Variants in DHRS4L2 observed in about 807,000 individuals in gnomAD.
DHRS4L2 encodes dehydrogenase/reductase 4 like 2.
In DHRS4L2, 22 loss-of-function variants were observed where a neutral mutation model predicts 23.9. The observed-to-expected ratio is 0.92, with a 90% confidence interval of 0.66 to 1.31. The LOEUF is 1.31. Ranked by LOEUF, DHRS4L2 falls within the 40% of genes most tolerant of loss-of-function variation. DHRS4L2 has a pLI of 0.00. For missense variants in DHRS4L2, 385 were observed against 303.3 expected (o/e 1.27, Z -2.00); for synonymous variants, 141 against 123.7 (o/e 1.14, Z -0.93).
intron 2 of DHRS4L2, chr14:23,991,033 C>T: frequency 2.9e-6 from 1 of 350,546 alleles, no homozygotes; most frequent in South Asian, 1.1e-4. Context: ...GCTGCTGAAG[C>T]AACTATGAAG....
intron 3 of DHRS4L2, among the ~76,000 whole-genome samples, chr14:23,995,586 C>T (rs191312016): frequency 2.0e-5 from 3 of 151,848 alleles, no homozygotes; most frequent in Admixed American, 1.3e-4. Context: ...TGACCAGTTG[C>T]CACTTTATAA....
intron 1 of DHRS4L2, among the ~76,000 whole-genome samples, chr14:23,972,265 C>G (rs758587453): frequency 5.9e-5 from 9 of 151,894 alleles, no homozygotes; most frequent in Non-Finnish European, 1.0e-4. Context: ...GAGTTTCTTC[C>G]TTCTGGTGGG....
At chr14:23,987,206 C>A, upstream of DHRS4L2, 1 of 362,516 alleles carries the variant, frequency 2.8e-6, no homozygotes, top group Middle Eastern at 8.8e-4. Flanking sequence ...TCTTGGCTCA[C>A]TGCAAGCTCC....
chr14:23,980,892 C>T (rs1454374239), intron 1 of DHRS4L2, among the ~76,000 whole-genome samples: 10 of 151,764 alleles, frequency 6.6e-5, no homozygotes, highest in Middle Eastern at 3.4e-3. Context: ...TGAAAATCGG[C>T]ACAAGACAAG....
intron 2 of DHRS4L2, among the ~76,000 whole-genome samples, chr14:23,993,909 G>A (rs1407053673): frequency 6.6e-6 from 1 of 151,648 alleles, no homozygotes; most frequent in Non-Finnish European, 1.5e-5. Flanking sequence ...CAAAGTGGGA[G>A]ACTGACCTCA....
chr14:23,987,331 G>A (rs910842060), upstream of DHRS4L2: 13 of 251,634 alleles, frequency 5.2e-5, no homozygotes, highest in South Asian at 2.6e-4. Context: ...GAGTTTCACC[G>A]TGTTAGCCAG....
At chr14:23,974,368 A>G (rs1012507091) in intron 1 of DHRS4L2, among the ~76,000 whole-genome samples, 1 of 151,754 alleles carries the variant, frequency 6.6e-6, no homozygotes, top group African/African-American at 2.4e-5. Flanking sequence ...CAAATTCAAA[A>G]GCTAGCAGAA....
rs1332839632 is a variant in DHRS4L2, at chr14:23,996,013, C to A, written c.408+880C>A. On this transcript the variant is annotated intron_variant, in intron 3 of 7. Coordinates refer to ENST00000335125, the MANE Select transcript of DHRS4L2 (RefSeq NM_198083.4). ...GTGCCAGTATCTGCTTCTGATGAGG[C>A]CTCAGGAAGCTTACAATCATGGCAG... 1.3e-5 allele frequency among the ~76,000 whole-genome samples: 2 copies of A among 151,604 alleles called. 1 individual carries two copies. The highest frequency in any genetic ancestry group is 2.9e-5 in the Non-Finnish European group (2 of 67,892).
In DHRS4L2 at chr14:23,990,241, G is replaced by A. The variant is rs761257997; in HGVS notation, c.188G>A (p.Ser63Asn). 6.2e-7 allele frequency: 1 copy of A among 1,612,880 alleles called. No individual in the cohort carries two copies. Among genetic ancestry groups the A allele is most frequent in the South Asian group, 1.1e-5 (1 of 90,926 alleles). ...GACAGGGCCCACGTGGTCGTCAGCA[G>A]CCGGAAGCAGCAGAATGTGGACCAG... ...AQDRAHVVVS[S>N]RKQQNVDQAV... Residue 63 changes from serine (S) to asparagine (N), a missense_variant, in exon 2 of 8, where the codon AGC becomes AAC. Transcript: ENST00000335125.
intron 1 of DHRS4L2, among the ~76,000 whole-genome samples, chr14:23,972,228 G>C (rs2033872697): frequency 6.6e-6 from 1 of 151,910 alleles, no homozygotes; most frequent in South Asian, 2.1e-4. Flanking sequence ...TCTGGAGTTT[G>C]TTCCTTCTGA....
chr14:24,005,857 C>G, intron 7 of DHRS4L2, 29 bp from the exon 8 acceptor site: 1 of 1,605,986 alleles, frequency 6.2e-7, no homozygotes, highest in East Asian at 2.3e-5. Context: ...TTGATTTTTA[C>G]CTCCTTCCTT....
intron 6 of DHRS4L2, 79 bp from the exon 7 acceptor site, chr14:24,004,258 G>T (rs1213072371): frequency 7.1e-7 from 1 of 1,411,858 alleles, no homozygotes; most frequent in East Asian, 2.8e-5. Flanking sequence ...AAAAGAGCAA[G>T]ACTCCGTCTC....
exon 1 of DHRS4L2, chr14:23,970,072 A>G (rs770788787): frequency 4.4e-6 from 2 of 456,334 alleles, no homozygotes; most frequent in South Asian, 3.1e-5. Flanking sequence ...GCTCCTCTGC[A>G]GCAGCCTCGG....
chr14:23,986,517 A>G (rs111339969), upstream of DHRS4L2, among the ~76,000 whole-genome samples: 38,800 of 150,250 alleles, frequency 0.26, 5,771 homozygotes, highest in East Asian at 0.48. Flanking sequence ...TAAAAAAAAA[A>G]AAAGAAAGAA....
In DHRS4L2 at chr14:23,990,269, G is replaced by T. The variant is rs147428238; in HGVS notation, c.216G>T (p.Ala72=). The T allele has an allele frequency of 3.1e-6, 5 of 1,612,668 alleles. 1 individual carries two copies. The highest frequency in any genetic ancestry group is 2.2e-5 in the East Asian group (1 of 44,868). Residue 72 remains alanine (A), a synonymous_variant, in exon 2 of 8, where the codon GCG becomes GCT. Transcript: ENST00000335125. ...GGAAGCAGCAGAATGTGGACCAGGC[G>T]GTGGCCACGCTGCAGGGGGAGGGGC... The part of the protein sequence containing the change: ...SSRKQQNVDQ[A]VATLQGEGLS...
chr14:24,005,559 C>T (rs1260991437), intron 7 of DHRS4L2, among the ~76,000 whole-genome samples: 2 of 152,046 alleles, frequency 1.3e-5, no homozygotes, highest in Non-Finnish European at 2.9e-5. Flanking sequence ...CATGTGAAAC[C>T]ATTTTTTTGA....
At chr14:24,000,656 C>A (rs1158230753) in intron 3 of DHRS4L2, among the ~76,000 whole-genome samples, 1 of 151,792 alleles carries the variant, frequency 6.6e-6, no homozygotes, top group African/African-American at 2.4e-5. Flanking sequence ...TCACCTGAAC[C>A]TAATGTATCA....
At chr14:23,989,301 G>A (rs2034216877) in intron 1 of DHRS4L2, among the ~76,000 whole-genome samples, 1 of 151,646 alleles carries the variant, frequency 6.6e-6, no homozygotes, top group South Asian at 2.1e-4. Flanking sequence ...TGCCACCTCT[G>A]TGCAGCCCCA....
At chr14:23,983,726 T>C (rs2034092227) in intron 1 of DHRS4L2, among the ~76,000 whole-genome samples, 1 of 151,680 alleles carries the variant, frequency 6.6e-6, no homozygotes, top group South Asian at 2.1e-4. Context: ...TTCATGTCCT[T>C]TGCAGGGACA....
Sources: allele counts gnomAD v4.1 joint callset (sites outside exome capture counted in the v4.1 genomes callset), GRCh38; gene constraint gnomAD v4.1.1; transcripts MANE v1.5; gene names NCBI Gene and HGNC (gene_info 2026-07-23, HGNC 2026-07-21).